Variants in EPB41L4B observed in about 807,000 individuals in gnomAD.
EPB41L4B encodes the protein erythrocyte membrane protein band 4.1 like 4B.
In EPB41L4B, 30 loss-of-function variants were observed where a neutral mutation model predicts 112.5. That is an observed-to-expected ratio of 0.27 (90% CI 0.20 to 0.36). The LOEUF (loss-of-function observed/expected upper bound fraction) is 0.36, where lower values mean the gene tolerates loss of function less well. Ranked by LOEUF, EPB41L4B falls within the 10% of genes least tolerant of loss-of-function variation. The probability of loss-of-function intolerance (pLI) is 1.00; values close to 1 mark genes in which losing one functional copy is unlikely to be tolerated. For missense variants in EPB41L4B, 1,024 were observed against 1,133.3 expected, an observed-to-expected ratio of 0.90 and a Z score of 1.38; for synonymous variants, 408 against 439.7, an observed-to-expected ratio of 0.93 and a Z score of 0.90.
At chr9:109,235,389 AC>A (rs1418677756) in intron 15 of EPB41L4B, among the ~76,000 whole-genome samples, 5 of 100,716 alleles carry the variant, frequency 5.0e-5, no homozygotes, top group Admixed American at 1.0e-4. Flanking sequence ...CTTCAGCTAG[AC>A]TTTTTTTTTT....
At chr9:109,223,145 T>C (rs1164538718) in intron 15 of EPB41L4B, among the ~76,000 whole-genome samples, 3 of 152,154 alleles carry the variant, frequency 2.0e-5, no homozygotes, top group Admixed American at 6.5e-5. Flanking sequence ...TCAGTCAAAA[T>C]TGTTGCATGC....
In EPB41L4B at chr9:109,192,299, A is replaced by G; in HGVS notation, c.2280T>C (p.Asp760=). The G allele has an allele frequency of 1.2e-6, 2 of 1,610,662 alleles. No homozygotes were observed. The highest frequency in any genetic ancestry group is 1.7e-6 in the Non-Finnish European group (2 of 1,178,436). ...TTACCAGAGGAGTGGCTTCTGTGAAATCCATCAGAAGATCACCCGGCTCCA... is the reference window on the plus strand; with the variant it reads ...TTACCAGAGGAGTGGCTTCTGTGAAGTCCATCAGAAGATCACCCGGCTCCA... ...FTLEPGDLLM[D]FTEATPLAEP... is the part of the protein sequence containing the mutation. The change falls in exon 22 of 26, where the codon GAT becomes GAC. Residue 760 remains aspartate (D), a synonymous_variant. Coordinates refer to ENST00000374566, the MANE Select transcript of EPB41L4B (RefSeq NM_019114.5).
chr9:109,311,539 G>A lies in EPB41L4B; in HGVS notation c.306+8602C>T, dbSNP rs115776586. Among the ~76,000 whole-genome samples the A allele has an allele frequency of 4.5e-3, 682 of 152,316 alleles. 9 individuals carry two copies. The highest frequency in any genetic ancestry group is 0.016 in the African/African-American group (659 of 41,572). On this transcript the variant is annotated intron_variant, in intron 1 of 25. Coordinates refer to ENST00000374566, the MANE Select transcript of EPB41L4B (RefSeq NM_019114.5). ...AGGACCCTTGGGATATCATCTTCCA[G>A]TTCTTGGCTTCATGAAGAAAATGCT...
intron 18 of EPB41L4B, among the ~76,000 whole-genome samples, chr9:109,206,598 G>A (rs1832999662): frequency 6.6e-6 from 1 of 152,202 alleles, no homozygotes; most frequent in Non-Finnish European, 1.5e-5. Flanking sequence ...TGATCAACAG[G>A]TGGTACCTCC....
At chr9:109,277,666 G>A (rs1835885843) in intron 2 of EPB41L4B, among the ~76,000 whole-genome samples, 1 of 152,208 alleles carries the variant, frequency 6.6e-6, no homozygotes, top group Non-Finnish European at 1.5e-5. Context: ...GTGTCAAGGG[G>A]AGGCCAGGGG....
At chr9:109,274,818 TTC>T (rs1273244083) in intron 2 of EPB41L4B, among the ~76,000 whole-genome samples, 1 of 152,228 alleles carries the variant, frequency 6.6e-6, no homozygotes, top group Non-Finnish European at 1.5e-5. Flanking sequence ...TGTAAAATGG[TTC>T]TGTTTTATGG....
chr9:109,212,613 T>C (rs191168062), intron 17 of EPB41L4B, among the ~76,000 whole-genome samples: 163 of 152,360 alleles, frequency 1.1e-3, no homozygotes, highest in African/African-American at 3.8e-3. Context: ...AACCTTCCCA[T>C]GCTGCACAGA....
chr9:109,276,765 C>T (rs1381763758), intron 2 of EPB41L4B, among the ~76,000 whole-genome samples: 5 of 152,200 alleles, frequency 3.3e-5, no homozygotes, highest in African/African-American at 9.7e-5. Context: ...ACAGACTTGG[C>T]TTTCTGGGAA....
At chr9:109,201,831 G>A (rs1426191758) in intron 19 of EPB41L4B, among the ~76,000 whole-genome samples, 1 of 152,000 alleles carries the variant, frequency 6.6e-6, no homozygotes, top group Non-Finnish European at 1.5e-5. Context: ...TCAGGCTGAG[G>A]AGTCTACACT....
At chr9:109,250,964 T>C (rs1834765402) in intron 13 of EPB41L4B, among the ~76,000 whole-genome samples, 1 of 152,242 alleles carries the variant, frequency 6.6e-6, no homozygotes, top group African/African-American at 2.4e-5. Context: ...GTCTCAAACA[T>C]GGACTATGTG....
At position 109,321,055 on chromosome 9, in the gene EPB41L4B, GC is replaced by G; in HGVS notation, c.-610del. Reference sequence around the variant, plus strand: ...GCCGCTGCCGCCGGGACTGCAGCACGCCCTCCTCCCTCGGGGCTGCGCCGGG... The same window carrying G: ...GCCGCTGCCGCCGGGACTGCAGCACGCCTCCTCCCTCGGGGCTGCGCCGGG... On this transcript the variant is annotated 5_prime_UTR_variant, in exon 1 of 26. Coordinates refer to ENST00000374566, the MANE Select transcript of EPB41L4B (RefSeq NM_019114.5). 1 of 182,566 alleles carries G rather than the reference GC, an allele frequency of 5.5e-6. No homozygotes were observed. The highest frequency in any genetic ancestry group is 1.3e-4 in the South Asian group (1 of 7,988). The allele number at this position is 182,566 out of a possible 1,614,324, so 11.3% of individuals were successfully genotyped here.
chr9:109,213,925 GC>G, intron 16 of EPB41L4B, 107 bp from the exon 17 acceptor site: 1 of 926,474 alleles, frequency 1.1e-6, no homozygotes, highest in Non-Finnish European at 1.7e-6. Context: ...CTTTCTGCCG[GC>G]CTCCTCCTCC....
At chr9:109,196,547 G>T (rs1832648633) in intron 20 of EPB41L4B, among the ~76,000 whole-genome samples, 2 of 151,834 alleles carry the variant, frequency 1.3e-5, no homozygotes, top group African/African-American at 2.4e-5. Context: ...GTCTGGTCTT[G>T]TCTCTACAAA....
At chr9:109,313,761 C>T (rs531299424) in intron 1 of EPB41L4B, among the ~76,000 whole-genome samples, 4 of 152,220 alleles carry the variant, frequency 2.6e-5, no homozygotes, top group South Asian at 4.1e-4. Flanking sequence ...AGAGGAGAGC[C>T]GAGGGCCTCA....
At chr9:109,270,537 C>T (rs961887612) in intron 2 of EPB41L4B, among the ~76,000 whole-genome samples, 1 of 152,228 alleles carries the variant, frequency 6.6e-6, no homozygotes, top group Non-Finnish European at 1.5e-5. Context: ...GGGGCTGATA[C>T]AGACTTGATT....
At chr9:109,295,669 C>T (rs374864120) in intron 1 of EPB41L4B, among the ~76,000 whole-genome samples, 2 of 152,026 alleles carry the variant, frequency 1.3e-5, no homozygotes, top group Admixed American at 6.5e-5. Context: ...TATGTTCAGG[C>T]GACTGTATTA....
chr9:109,288,108 C>G (rs1280992823), intron 1 of EPB41L4B, among the ~76,000 whole-genome samples: 3 of 152,234 alleles, frequency 2.0e-5, no homozygotes, highest in Non-Finnish European at 4.4e-5. Flanking sequence ...CTTCAGGCCC[C>G]GTCACTAGGG....
intron 1 of EPB41L4B, among the ~76,000 whole-genome samples, chr9:109,318,635 T>TC (rs1837723483): frequency 6.6e-6 from 1 of 151,766 alleles, no homozygotes; most frequent in South Asian, 2.1e-4. Flanking sequence ...CCTGCTCCCC[T>TC]CTCCTCCTCC....
intron 6 of EPB41L4B, 133 bp from the exon 7 acceptor site, chr9:109,258,430 G>A (rs190932102): frequency 3.2e-4 from 300 of 931,748 alleles, no homozygotes; most frequent in East Asian, 2.9e-3. Flanking sequence ...CTCTCCTTTC[G>A]GGAAGACTTA....
Sources: gnomAD v4.1 joint callset for allele counts (sites outside exome capture counted in the v4.1 genomes callset) on GRCh38, gnomAD v4.1.1 for gene constraint, MANE v1.5 for transcripts, NCBI Gene and HGNC (gene_info 2026-07-23, HGNC 2026-07-21) for gene names.